The following PRKCE variants were observed in gnomAD, a reference collection of about 807,000 sequenced individuals.
PRKCE encodes protein kinase C epsilon.
A neutral mutation model predicts 85.4 loss-of-function variants in PRKCE; 16 were observed. The ratio of observed to expected loss-of-function variants is 0.19; its 90% CI spans 0.13 to 0.28. The LOEUF (loss-of-function observed/expected upper bound fraction) is 0.28. Ranked by LOEUF, PRKCE falls within the 10% of genes least tolerant of loss-of-function variation. The pLI, the probability that PRKCE is intolerant of heterozygous loss-of-function variation, is 1.00. For missense variants in PRKCE, 573 were observed against 975.2 expected (o/e 0.59, Z 5.49); for synonymous variants, 388 against 371.5 (o/e 1.04, Z -0.51).
chr2:46,007,699 C>T (rs748152572), intron 9 of PRKCE, 38 bp downstream of exon 9: 10 of 1,579,204 alleles, frequency 6.3e-6, no homozygotes, highest in Non-Finnish European at 8.6e-6. Flanking sequence ...TGGTTTTGTT[C>T]TACTCCTTAG....
intron 1 of PRKCE, among the ~76,000 whole-genome samples, chr2:45,700,109 G>C (rs1275741221): frequency 6.6e-6 from 1 of 151,982 alleles, no homozygotes; most frequent in Non-Finnish European, 1.5e-5. Context: ...GCCTGGGGTT[G>C]AGGATGAAAT....
chr2:45,827,927 C>A (rs2105372986), intron 1 of PRKCE, among the ~76,000 whole-genome samples: 1 of 152,254 alleles, frequency 6.6e-6, no homozygotes, highest in African/African-American at 2.4e-5. Context: ...CCTTAGAGCA[C>A]CAGCATTTTT....
intron 1 of PRKCE, among the ~76,000 whole-genome samples, chr2:45,754,462 G>A (rs192837827): frequency 5.9e-5 from 9 of 152,246 alleles, no homozygotes; most frequent in Middle Eastern, 3.4e-3. Flanking sequence ...TTTATTCTCC[G>A]TGGGGTTTCT....
At chr2:46,032,458 GC>G (rs1263313306) in intron 10 of PRKCE, among the ~76,000 whole-genome samples, 1 of 152,180 alleles carries the variant, frequency 6.6e-6, no homozygotes, top group East Asian at 1.9e-4. Context: ...GGCAGGACTT[GC>G]CCTTAATTAT....
intron 2 of PRKCE, among the ~76,000 whole-genome samples, chr2:45,918,893 A>T (rs1698036769): frequency 6.6e-6 from 1 of 152,356 alleles, no homozygotes; most frequent in South Asian, 2.1e-4. Flanking sequence ...GGAGGGTCTC[A>T]CAGCTCCTTT....
chr2:45,680,479 A>C (rs1572921416), intron 1 of PRKCE, among the ~76,000 whole-genome samples: 1 of 152,122 alleles, frequency 6.6e-6, no homozygotes, highest in East Asian at 1.9e-4. Context: ...TGTTTCTTTA[A>C]CTGTTAGTTT....
At position 45,679,659 on chromosome 2, in the gene PRKCE, G is replaced by A. The variant is rs113703209; in HGVS notation, c.348+27211G>A. 6.3e-3 allele frequency among the ~76,000 whole-genome samples: 957 copies of A among 152,274 alleles called. 4 individuals are homozygous for A. The highest frequency in any genetic ancestry group is 0.021 in the African/African-American group (887 of 41,542). On this transcript the variant is annotated intron_variant, in intron 1 of 14. Transcript: ENST00000306156. Reference sequence around the variant, plus strand: ...TGGATCGGGATAATGCACAGAGTGGGTGCATGTGGAACACTTACAAGAAGA... The same window carrying A: ...TGGATCGGGATAATGCACAGAGTGGATGCATGTGGAACACTTACAAGAAGA...
chr2:45,760,979 T>G (rs1684424787), intron 1 of PRKCE, among the ~76,000 whole-genome samples: 1 of 152,130 alleles, frequency 6.6e-6, no homozygotes, highest in Non-Finnish European at 1.5e-5. Context: ...CACCTGCTCT[T>G]GACTTTGACA....
chr2:46,000,957 T>C (rs912088552), intron 6 of PRKCE: 2 of 152,106 alleles, frequency 1.3e-5, no homozygotes, highest in African/African-American at 4.8e-5. Context: ...TAGAATGGAG[T>C]GCTGCTGACT....
chr2:46,025,750 T>C (rs1707058953), intron 10 of PRKCE, among the ~76,000 whole-genome samples: 2 of 152,218 alleles, frequency 1.3e-5, no homozygotes, highest in Non-Finnish European at 1.5e-5. Flanking sequence ...TTCAAGGAAA[T>C]TGGCTTTGTA....
intron 2 of PRKCE, among the ~76,000 whole-genome samples, chr2:45,880,938 G>A (rs1342124862): frequency 2.0e-5 from 3 of 152,172 alleles, no homozygotes; most frequent in African/African-American, 7.2e-5. Flanking sequence ...CGGATCACGA[G>A]GTCAGGAGAT....
intron 11 of PRKCE, among the ~76,000 whole-genome samples, chr2:46,121,669 C>A (rs1377977057): frequency 6.6e-6 from 1 of 152,184 alleles, no homozygotes; most frequent in Non-Finnish European, 1.5e-5. Flanking sequence ...AAATTCAATG[C>A]AAAGATCATA....
chr2:46,116,858 T>A (rs1672823504), intron 11 of PRKCE, among the ~76,000 whole-genome samples: 1 of 151,640 alleles, frequency 6.6e-6, no homozygotes, highest in Non-Finnish European at 1.5e-5. Flanking sequence ...ACTGCAGCGG[T>A]TAGGTCTGGG....
intron 1 of PRKCE, among the ~76,000 whole-genome samples, chr2:45,764,840 A>G (rs1164014334): frequency 6.6e-6 from 1 of 152,236 alleles, no homozygotes; most frequent in African/African-American, 2.4e-5. Context: ...ATTAAAATCA[A>G]CATATATTAA....
chr2:45,700,237 T>C (rs1678516565), intron 1 of PRKCE, among the ~76,000 whole-genome samples: 1 of 151,842 alleles, frequency 6.6e-6, no homozygotes, highest in Non-Finnish European at 1.5e-5. Flanking sequence ...AGGTCTTTTT[T>C]CTTTGCAGCA....
At chr2:45,971,222 A>T (rs1217775361) in intron 2 of PRKCE, among the ~76,000 whole-genome samples, 8 of 152,060 alleles carry the variant, frequency 5.3e-5, no homozygotes, top group Non-Finnish European at 8.8e-5. Context: ...TCTTGCTTCT[A>T]TGAGTTCAAC....
intron 1 of PRKCE, among the ~76,000 whole-genome samples, chr2:45,773,086 C>T (rs1685470224): frequency 6.6e-6 from 1 of 152,210 alleles, no homozygotes; most frequent in African/African-American, 2.4e-5. Flanking sequence ...TCCTTAGGCA[C>T]TGGCTGCATA....
intron 6 of PRKCE, among the ~76,000 whole-genome samples, chr2:45,986,636 G>T (rs955341185): frequency 2.6e-5 from 4 of 152,122 alleles, no homozygotes; most frequent in African/African-American, 7.2e-5. Context: ...AGTCTTTTTT[G>T]AAGTAGGAGG....
At chr2:45,673,368 C>A (rs1012068695) in intron 1 of PRKCE, among the ~76,000 whole-genome samples, 1 of 152,002 alleles carries the variant, frequency 6.6e-6, no homozygotes, top group African/African-American at 2.4e-5. Context: ...TATTGCAGGA[C>A]TTTTTTTTAC....
Sources: allele counts gnomAD v4.1 joint callset (sites outside exome capture counted in the v4.1 genomes callset), GRCh38; gene constraint gnomAD v4.1.1; transcripts MANE v1.5; gene names NCBI Gene and HGNC (gene_info 2026-07-23, HGNC 2026-07-21).